Variants in AP2A1 observed in about 807,000 individuals in gnomAD.
AP2A1 encodes AP-2 complex subunit alpha-1.
AP2A1 carries 21 observed loss-of-function variants against 107.3 expected under a neutral mutation model. The ratio of observed to expected loss-of-function variants is 0.20; its 90% CI spans 0.14 to 0.28. The LOEUF (loss-of-function observed/expected upper bound fraction) is 0.28. Among genes scored for constraint, AP2A1 ranks in the 10% least tolerant of loss-of-function variants. The pLI is 1.00. For synonymous variants in AP2A1, 602 were observed against 564.8 expected (o/e 1.07, Z -0.93); for missense variants, 873 against 1,307.7 (o/e 0.67, Z 5.13).
chr19:49,774,189 G>A (rs2084593559), intron 1 of AP2A1, among the ~76,000 whole-genome samples: 1 of 152,176 alleles, frequency 6.6e-6, no homozygotes, highest in Non-Finnish European at 1.5e-5. Context: ...TGGTTATTGT[G>A]TGATGGCTTT....
In AP2A1 at chr19:49,803,392, C is replaced by G; in HGVS notation, c.2344+16C>G. 1.2e-6 allele frequency: 2 copies of G among 1,608,596 alleles called. No individual in the cohort carries two copies. Among genetic ancestry groups the G allele is most frequent in the Non-Finnish European group, 1.7e-6 (2 of 1,175,206 alleles). On this transcript the variant is annotated intron_variant, in intron 18 of 22. Transcript: ENST00000354293. ...CTCCAGACTCATATCCTCTCAGGCC[C>G]GGCCCAGCCTCCTGCCTCTCCACGT...
At position 49,791,999 on chromosome 19, in the gene AP2A1, C is replaced by T. The variant is rs1328766231; in HGVS notation, c.538C>T (p.Pro180Ser). 6.8e-6 allele frequency: 11 copies of T among 1,612,874 alleles called. No homozygotes were observed. Among genetic ancestry groups the T allele is most frequent in the Non-Finnish European group, 9.3e-6 (11 of 1,179,516 alleles). The change falls in exon 5 of 23, where the codon CCT (proline) becomes TCT (serine). Residue 180 changes from proline to serine, a missense_variant. Physicochemically the swap from Pro to Ser is moderately conservative, Grantham distance 74. Transcript: ENST00000354293. ...LCLLRLYKAS[P>S]DLVPMGEWTA... ...CCTCCTTCGACTGTACAAGGCCTCG[C>T]CTGACCTGGTGCCCATGGGCGAGTG...
intron 1 of AP2A1, among the ~76,000 whole-genome samples, chr19:49,777,460 C>T (rs888708242): frequency 3.4e-5 from 5 of 148,048 alleles, no homozygotes; most frequent in Non-Finnish European, 7.4e-5. Context: ...ATGGTGAAAC[C>T]CCATCTCTAC....
chr19:49,801,558 G>A lies in AP2A1; in HGVS notation c.1722G>A (p.Val574=), dbSNP rs748968177. Residue 574 remains valine, a synonymous_variant, in exon 13 of 23, where the codon GTG becomes GTA. Transcript: ENST00000354293. The stretch of plus-strand genomic sequence containing the variant: ...GCTCCCAGCTGCGCAATGCTGACGT[G>A]GAGCTGCAGCAGCGAGCCGTGGAGT... ...RAGSQLRNAD[V]ELQQRAVEYL... 6.2e-7 allele frequency: 1 copy of A among 1,613,240 alleles called. No individual in the cohort carries two copies. The highest frequency in any genetic ancestry group is 1.1e-5 in the South Asian group (1 of 91,052).
At chr19:49,796,474 T>G (rs1315338882) in intron 7 of AP2A1, 1 of 152,302 alleles carries the variant, frequency 6.6e-6, no homozygotes, top group African/African-American at 2.4e-5. Flanking sequence ...TGGCACACAG[T>G]AGGTGCTAAT....
intron 11 of AP2A1, chr19:49,800,669 C>G (rs950675647): frequency 1.5e-5 from 5 of 331,836 alleles, no homozygotes; most frequent in African/African-American, 8.8e-5. Flanking sequence ...CGGGGTTTCA[C>G]CATGTTACCC....
chr19:49,806,901 GTATTTT>G lies in AP2A1; in HGVS notation c.*151_*156del, dbSNP rs1568593421. 6.5e-7 allele frequency: 1 copy of G among 1,540,344 alleles called. No individual in the cohort carries two copies. Among genetic ancestry groups the G allele is most frequent in the Non-Finnish European group, 8.7e-7 (1 of 1,148,158 alleles). On this transcript the variant is annotated 3_prime_UTR_variant, in exon 23 of 23. Coordinates refer to ENST00000354293, the MANE Select transcript of AP2A1 (RefSeq NM_130787.3). ...GCCTGGGACTTTCCTCCGGCCTTTT[GTATTTT>G]TATTTTTGTTCATCTGCTGCTGTTT...
Position 49,795,713 on chromosome 19 carries a change from G to A in AP2A1, c.789G>A (p.Arg263=). ...CCTGGCTCTCGGTGAAGCTCCTGCG[G>A]CTGCTGCAGTGCTACCCGCCTCCAG... The part of the protein sequence containing the change: ...PAPWLSVKLL[R]LLQCYPPPED... The change falls in exon 7 of 23, where the codon CGG becomes CGA. Residue 263 remains arginine (R), a synonymous_variant. Coordinates refer to ENST00000354293, the MANE Select transcript of AP2A1 (RefSeq NM_130787.3). 1.9e-6 allele frequency: 3 copies of A among 1,560,758 alleles called. No homozygotes were observed. Among genetic ancestry groups the A allele is most frequent in the Non-Finnish European group, 2.6e-6 (3 of 1,153,520 alleles).
chr19:49,779,811 A>T (rs2123683829), intron 1 of AP2A1, among the ~76,000 whole-genome samples: 1 of 152,284 alleles, frequency 6.6e-6, no homozygotes, highest in Non-Finnish European at 1.5e-5. Flanking sequence ...CTCAGTTTGG[A>T]ATGGCCACAT....
chr19:49,768,813 T>C (rs549687245), intron 1 of AP2A1, among the ~76,000 whole-genome samples: 11 of 152,308 alleles, frequency 7.2e-5, no homozygotes, highest in African/African-American at 1.9e-4. Flanking sequence ...TTCAGGACGT[T>C]TTCTTGTCTG....
chr19:49,796,160 TTCCC>T, intron 7 of AP2A1: 1 of 192,638 alleles, frequency 5.2e-6, no homozygotes. Context: ...GTTGGGAACC[TTCCC>T]CTACTGCTCA....
chr19:49,801,954 C>T (rs758681104), intron 14 of AP2A1, 27 bp from the exon 15 acceptor site: 2 of 1,470,350 alleles, frequency 1.4e-6, no homozygotes, highest in African/African-American at 2.8e-5. Flanking sequence ...CGCCGCCTGT[C>T]CTCACCGTGA....
At chr19:49,790,669 G>A (rs950240502) in intron 4 of AP2A1, among the ~76,000 whole-genome samples, 26 of 152,190 alleles carry the variant, frequency 1.7e-4, no homozygotes, top group African/African-American at 6.0e-4. Context: ...TAAAGTGCTG[G>A]GATTACAGGC....
Position 49,802,963 on chromosome 19 carries a change from A to G in AP2A1, c.2129A>G (p.Asp710Gly). ...CATGCCTCCAGCCCAGGTCCTGAGG[A>G]CATCGGCCCTCCCATTCCGGAAGCC... ...EEAFLSPGPE[D>G]IGPPIPEADE... Residue 710 changes from aspartate to glycine, a missense_variant, in exon 16 of 23, where the codon GAC (aspartate) becomes GGC (glycine). Physicochemically the swap from Asp to Gly is moderately conservative, Grantham distance 94. Coordinates refer to ENST00000354293, the MANE Select transcript of AP2A1 (RefSeq NM_130787.3). 1 of 1,613,048 alleles carries G rather than the reference A, an allele frequency of 6.2e-7. No individual in the cohort carries two copies. Among genetic ancestry groups the G allele is most frequent in the Non-Finnish European group, 8.5e-7 (1 of 1,179,566 alleles).
At chr19:49,802,683 G>C (rs564896059) in intron 15 of AP2A1, 7 of 1,316,284 alleles carry the variant, frequency 5.3e-6, no homozygotes, top group Admixed American at 2.6e-5. Flanking sequence ...GGGAGCCCTC[G>C]TCAACGGGTT....
In AP2A1 at chr19:49,800,663, G is replaced by A. The variant is rs566051800; in HGVS notation, c.1456-298G>A. 1,077 of 323,946 alleles carry A rather than the reference G, an allele frequency of 3.3e-3. 3 individuals are homozygous for A. The highest frequency in any genetic ancestry group is 3.4e-3 in the Non-Finnish European group (595 of 174,302). 20.1% of individuals were successfully genotyped at this position (323,946 alleles called of 1,614,324 possible). A position where few individuals can be genotyped will look rare whatever the true frequency, so the allele number is the denominator to read the frequency against. On this transcript the variant is annotated intron_variant, in intron 11 of 22. Coordinates refer to ENST00000354293, the MANE Select transcript of AP2A1 (RefSeq NM_130787.3). ...TGTTTGTATTTTTAGTAGAGACGGG[G>A]TTTCACCATGTTACCCAGGCTGGTT...
chr19:49,773,445 C>T (rs1185521725), intron 1 of AP2A1, among the ~76,000 whole-genome samples: 1 of 152,174 alleles, frequency 6.6e-6, no homozygotes, highest in Non-Finnish European at 1.5e-5. Flanking sequence ...CCAGCTTTGT[C>T]CTCTGTAGGT....
intron 1 of AP2A1, among the ~76,000 whole-genome samples, chr19:49,767,956 G>T (rs1266690666): frequency 6.6e-6 from 1 of 151,984 alleles, no homozygotes; most frequent in Non-Finnish European, 1.5e-5. Context: ...GTAAGGTCTT[G>T]GGAGAACCTG....
At chr19:49,777,257 C>T (rs1449200682) in intron 1 of AP2A1, among the ~76,000 whole-genome samples, 1 of 151,272 alleles carries the variant, frequency 6.6e-6, no homozygotes, top group Non-Finnish European at 1.5e-5. Flanking sequence ...AAAAATAAAG[C>T]CTATTTAAAG....
Sources: gnomAD v4.1 joint callset for allele counts (sites outside exome capture counted in the v4.1 genomes callset) on GRCh38, gnomAD v4.1.1 for gene constraint, MANE v1.5 for transcripts, NCBI Gene and HGNC (gene_info 2026-07-23, HGNC 2026-07-21) for gene names.